MDGA2: variants seen among roughly 807,000 people sequenced by gnomAD.
MDGA2 encodes the protein MAM domain containing glycosylphosphatidylinositol anchor 2, also known as MAM domain-containing glycosylphosphatidylinositol anchor protein 2.
In MDGA2, 40 loss-of-function variants were observed where a neutral mutation model predicts 117.8. That is an observed-to-expected ratio of 0.34 (90% CI 0.26 to 0.44). The LOEUF (loss-of-function observed/expected upper bound fraction) is 0.44. Among genes scored for constraint, MDGA2 ranks in the 20% least tolerant of loss-of-function variants. The probability of loss-of-function intolerance (pLI) is 1.00; values close to 1 mark genes in which losing one functional copy is unlikely to be tolerated. For synonymous variants in MDGA2, 452 were observed against 439.0 expected (o/e 1.03, Z -0.37); for missense variants, 1,123 against 1,250.6 (o/e 0.90, Z 1.54).
intron 1 of MDGA2, among the ~76,000 whole-genome samples, chr14:47,477,035 G>A (rs563789226): frequency 1.1e-4 from 16 of 152,276 alleles, no homozygotes; most frequent in African/African-American, 3.6e-4. Flanking sequence ...GGTGGCGCAC[G>A]CCTGTAATCC....
chr14:46,907,620 G>A (rs1028170001), intron 10 of MDGA2, among the ~76,000 whole-genome samples: 3 of 152,030 alleles, frequency 2.0e-5, no homozygotes, highest in African/African-American at 7.2e-5. Flanking sequence ...ATACTTATGT[G>A]TTGCTCTCAT....
At chr14:46,950,619 T>C (rs975434465) in intron 9 of MDGA2, among the ~76,000 whole-genome samples, 1 of 152,026 alleles carries the variant, frequency 6.6e-6, no homozygotes, top group South Asian at 2.1e-4. Context: ...TGAGAAACTT[T>C]GATTTGACAT....
At chr14:47,023,172 A>G (rs1184189145) in intron 8 of MDGA2, among the ~76,000 whole-genome samples, 1 of 149,582 alleles carries the variant, frequency 6.7e-6, no homozygotes, top group Non-Finnish European at 1.5e-5. Flanking sequence ...TTTTCCATCA[A>G]TTGCAACCGA....
At chr14:47,436,555 A>G (rs1217418273) in intron 1 of MDGA2, among the ~76,000 whole-genome samples, 1 of 152,094 alleles carries the variant, frequency 6.6e-6, no homozygotes, top group African/African-American at 2.4e-5. Flanking sequence ...TATAATACCC[A>G]GGCTTTTAGG....
At chr14:46,948,560 G>T (rs929904031) in intron 9 of MDGA2, among the ~76,000 whole-genome samples, 2 of 151,988 alleles carry the variant, frequency 1.3e-5, no homozygotes, top group East Asian at 3.9e-4. Flanking sequence ...GGTCTAGCTT[G>T]AGGGAGTGTG....
At chr14:47,174,615 A>C (rs1054991495) in intron 3 of MDGA2, among the ~76,000 whole-genome samples, 11 of 152,214 alleles carry the variant, frequency 7.2e-5, no homozygotes, top group Admixed American at 6.5e-4. Context: ...ACAAAGACAC[A>C]ACATACCAGA....
At chr14:46,914,939 C>T (rs1883843622) in intron 10 of MDGA2, among the ~76,000 whole-genome samples, 1 of 151,884 alleles carries the variant, frequency 6.6e-6, no homozygotes, top group Non-Finnish European at 1.5e-5. Flanking sequence ...AATTAATAAT[C>T]CTTTGAATAA....
At position 47,061,598 on chromosome 14, in the gene MDGA2, T is replaced by C. The variant is rs1889885813; in HGVS notation, c.1196-20A>G. ...TTAATGCTACAACATAAAAATTCCA[T>C]AAGGAGTTAGTGTTACTTTCATAAC... On this transcript the variant is annotated intron_variant, in intron 6 of 16. Coordinates refer to ENST00000399232, the MANE Select transcript of MDGA2 (RefSeq NM_001113498.3). 5 of 1,583,320 alleles carry C rather than the reference T, an allele frequency of 3.2e-6. No individual in the cohort carries two copies. Among genetic ancestry groups the C allele is most frequent in the Non-Finnish European group, 4.3e-6 (5 of 1,158,628 alleles).
intron 5 of MDGA2, among the ~76,000 whole-genome samples, chr14:47,107,065 C>G (rs12586897): frequency 0.023 from 2,936 of 128,458 alleles, 141 homozygotes; most frequent in East Asian, 0.21. Context: ...TCTATCCCCC[C>G]ACCTTAACCC....
intron 6 of MDGA2, among the ~76,000 whole-genome samples, chr14:47,075,544 G>C (rs766404563): frequency 6.6e-6 from 1 of 152,054 alleles, no homozygotes; most frequent in Non-Finnish European, 1.5e-5. Flanking sequence ...CAATGAAATC[G>C]TATTTTGTCA....
intron 8 of MDGA2, among the ~76,000 whole-genome samples, chr14:47,013,031 A>C (rs946611000): frequency 2.6e-5 from 4 of 152,122 alleles, no homozygotes; most frequent in African/African-American, 9.7e-5. Flanking sequence ...ATGGTTGCTG[A>C]CTGATCAGGA....
intron 3 of MDGA2, among the ~76,000 whole-genome samples, chr14:47,194,094 T>C (rs535447169): frequency 1.3e-5 from 2 of 152,322 alleles, no homozygotes; most frequent in Non-Finnish European, 2.9e-5. Flanking sequence ...TCTATTTTAC[T>C]ATACTGTATC....
chr14:46,884,363 G>A lies in MDGA2; in HGVS notation c.2239-2142C>T, dbSNP rs35664738. Among the ~76,000 whole-genome samples the A allele has an allele frequency of 2.0e-5, 3 of 152,042 alleles. No individual in the cohort carries two copies. Among genetic ancestry groups the A allele is most frequent in the Non-Finnish European group, 2.9e-5 (2 of 67,962 alleles). ...ATGCCATTTTCCCTTGGATTTTTAC[G>A]TAGTACTTTCTCTATGTACACACAC... On this transcript the variant is annotated intron_variant, in intron 10 of 16. Coordinates refer to ENST00000399232, the MANE Select transcript of MDGA2 (RefSeq NM_001113498.3). The surrounding 1 kb of genome is among the most constrained non-coding windows in gnomAD (Gnocchi z 4.1).
intron 1 of MDGA2, among the ~76,000 whole-genome samples, chr14:47,662,562 T>A (rs1456934621): frequency 2.6e-5 from 4 of 152,070 alleles, no homozygotes; most frequent in Non-Finnish European, 5.9e-5. Context: ...CTGTTTGAAA[T>A]ATGAATCAAA....
intron 5 of MDGA2, among the ~76,000 whole-genome samples, chr14:47,099,524 C>G (rs966189465): frequency 2.6e-5 from 4 of 151,934 alleles, no homozygotes; most frequent in African/African-American, 9.7e-5. Flanking sequence ...TTATAGGTTT[C>G]CATAGCTACC....
chr14:47,276,500 T>C (rs1888315636), intron 2 of MDGA2, among the ~76,000 whole-genome samples: 1 of 152,178 alleles, frequency 6.6e-6, no homozygotes, highest in South Asian at 2.1e-4. Context: ...TTTTGTTTAA[T>C]TGAGTAAACC....
At chr14:46,844,687 T>A (rs1016776324) in intron 16 of MDGA2, among the ~76,000 whole-genome samples, 3 of 152,092 alleles carry the variant, frequency 2.0e-5, no homozygotes, top group African/African-American at 7.2e-5. Flanking sequence ...CTCACACAAG[T>A]CTCATCTTGA....
intron 1 of MDGA2, among the ~76,000 whole-genome samples, chr14:47,445,420 A>T (rs1022120402): frequency 1.3e-5 from 2 of 152,176 alleles, no homozygotes; most frequent in African/African-American, 4.8e-5. Flanking sequence ...TTCTGAAAGT[A>T]AATGTTTTCC....
chr14:47,234,460 C>A (rs907620077), intron 2 of MDGA2, among the ~76,000 whole-genome samples: 1 of 151,968 alleles, frequency 6.6e-6, no homozygotes, highest in African/African-American at 2.4e-5. Flanking sequence ...ATGATAAAAA[C>A]CTAGGATCTC....
Sources: gnomAD v4.1 joint callset for allele counts (sites outside exome capture counted in the v4.1 genomes callset) on GRCh38, gnomAD v4.1.1 for gene constraint, Gnocchi (gnomAD v3.1) non-coding constraint, MANE v1.5 for transcripts, NCBI Gene and HGNC (gene_info 2026-07-23, HGNC 2026-07-21) for gene names.